CNTN5: variants seen among roughly 807,000 people sequenced by gnomAD.
The protein encoded by CNTN5 is contactin 5, also known as contactin-5.
Under a neutral mutation model 129.1 loss-of-function variants are expected in CNTN5, and 77 were observed. The ratio of observed to expected loss-of-function variants is 0.60; its 90% CI spans 0.50 to 0.72. The LOEUF (loss-of-function observed/expected upper bound fraction) is 0.72. Ranked by LOEUF, CNTN5 falls within the 30% of genes least tolerant of loss-of-function variation. The pLI is 0.00. For missense variants in CNTN5, 1,478 were observed against 1,328.8 expected, an observed-to-expected ratio of 1.11 and a Z score of -1.75; for synonymous variants, 509 against 465.6, an observed-to-expected ratio of 1.09 and a Z score of -1.20.
chr11:99,161,831 T>A (rs1043847522), intron 1 of CNTN5, among the ~76,000 whole-genome samples: 1 of 152,130 alleles, frequency 6.6e-6, no homozygotes, highest in African/African-American at 2.4e-5. Flanking sequence ...CTTGCTAATA[T>A]CATATTGCCA....
intron 1 of CNTN5, among the ~76,000 whole-genome samples, chr11:99,172,495 A>T (rs1349379684): frequency 3.3e-5 from 5 of 152,200 alleles, no homozygotes; most frequent in African/African-American, 1.2e-4. Flanking sequence ...TAATGAAATG[A>T]GCACCAAACT....
At chr11:99,935,427 A>G (rs751244225) in intron 7 of CNTN5, among the ~76,000 whole-genome samples, 18 of 152,038 alleles carry the variant, frequency 1.2e-4, no homozygotes, top group Non-Finnish European at 2.4e-4. Flanking sequence ...AAATTATTTA[A>G]TCCCCAATTT....
At position 99,934,930 on chromosome 11, in the gene CNTN5, A is replaced by G. The variant is rs1439058338; in HGVS notation, c.673+18781A>G. 3.2e-3 allele frequency among the ~76,000 whole-genome samples: 287 copies of G among 91,054 alleles called. 9 individuals are homozygous for G. The highest frequency in any genetic ancestry group is 3.6e-3 in the African/African-American group (64 of 17,658). The allele number at this position is 91,054 out of a possible 152,430, so 59.7% of individuals were successfully genotyped here. A position where few individuals can be genotyped will look rare whatever the true frequency, so the allele number is the denominator to read the frequency against. On this transcript the variant is annotated intron_variant, in intron 7 of 24. Coordinates refer to ENST00000524871, the MANE Select transcript of CNTN5 (RefSeq NM_014361.4). ...TATATATATATATATATATATATATATATATATATATATATATACACACAC... is the reference window on the plus strand; with the variant it reads ...TATATATATATATATATATATATATGTATATATATATATATATACACACAC...
At chr11:100,150,843 C>A (rs1011056518) in intron 13 of CNTN5, among the ~76,000 whole-genome samples, 1 of 152,054 alleles carries the variant, frequency 6.6e-6, no homozygotes, top group Admixed American at 6.6e-5. Context: ...ACACTTACCC[C>A]CTAATGTGAT....
At chr11:99,986,502 C>T (rs546041394) in intron 8 of CNTN5, among the ~76,000 whole-genome samples, 4 of 152,318 alleles carry the variant, frequency 2.6e-5, no homozygotes, top group African/African-American at 9.6e-5. Context: ...GACTCCATCT[C>T]TTCTTACCTA....
At chr11:99,105,055 C>G (rs1300459103) in intron 1 of CNTN5, among the ~76,000 whole-genome samples, 1 of 152,092 alleles carries the variant, frequency 6.6e-6, no homozygotes, top group Non-Finnish European at 1.5e-5. Context: ...TCATTAGTCT[C>G]CTCATCACTA....
At position 99,525,913 on chromosome 11, in the gene CNTN5, C is replaced by T. The variant is rs564207002; in HGVS notation, c.-70-30232C>T. On this transcript the variant is annotated intron_variant, in intron 2 of 24. Coordinates refer to ENST00000524871, the MANE Select transcript of CNTN5 (RefSeq NM_014361.4). ...TGCTTTGAAAGGCACAAAACAAACA[C>T]TGACATGAGATAAATTAAAAAATAA... Among the ~76,000 whole-genome samples, 3 of 152,278 alleles carry T rather than the reference C, an allele frequency of 2.0e-5. No individual in the cohort carries two copies. The South Asian group carries it at 6.2e-4, about 32-fold the overall frequency.
intron 13 of CNTN5, among the ~76,000 whole-genome samples, chr11:100,190,161 A>C (rs1488725025): frequency 6.6e-6 from 1 of 152,146 alleles, no homozygotes; most frequent in Non-Finnish European, 1.5e-5. Flanking sequence ...CCATGGAATA[A>C]ATTGTCCTTA....
chr11:100,034,890 C>A (rs900478694), intron 9 of CNTN5, among the ~76,000 whole-genome samples: 53 of 152,218 alleles, frequency 3.5e-4, no homozygotes, highest in Non-Finnish European at 5.4e-4. Flanking sequence ...TCATACTTAC[C>A]CTTGTCTTCC....
At chr11:99,031,888 G>C (rs182590306) in intron 1 of CNTN5, among the ~76,000 whole-genome samples, 1 of 149,426 alleles carries the variant, frequency 6.7e-6, no homozygotes, top group Non-Finnish European at 1.5e-5. Context: ...CTAGCATTAG[G>C]TATATCTCCC....
chr11:99,372,153 C>CA (rs1939865449), intron 2 of CNTN5, among the ~76,000 whole-genome samples: 1 of 152,210 alleles, frequency 6.6e-6, no homozygotes, highest in African/African-American at 2.4e-5. Flanking sequence ...ATCACTGTTT[C>CA]ACAAACTTAT....
rs201711344 is a variant in CNTN5, at chr11:100,356,301, G to A, written c.*81G>A. The A allele has an allele frequency of 1.9e-5, 18 of 936,396 alleles. No homozygotes were observed. The highest frequency in any genetic ancestry group is 8.2e-5 in the African/African-American group (5 of 60,854). The allele number at this position is 936,396 out of a possible 1,614,324, so 58.0% of individuals were successfully genotyped here. ...GAGTGTAGTGTAAGTGGAGAACCAG[G>A]ATCCTGAGATGAGCTTGAGCTTTAA... On this transcript the variant is annotated 3_prime_UTR_variant, in exon 25 of 25. Coordinates refer to ENST00000524871, the MANE Select transcript of CNTN5 (RefSeq NM_014361.4).
chr11:99,683,604 C>T (rs1953655949), intron 3 of CNTN5, among the ~76,000 whole-genome samples: 1 of 151,768 alleles, frequency 6.6e-6, no homozygotes, highest in African/African-American at 2.4e-5. Flanking sequence ...AATCATTTTG[C>T]CTGATCTGGG....
At chr11:99,663,980 G>A (rs914029554) in intron 3 of CNTN5, among the ~76,000 whole-genome samples, 2 of 152,112 alleles carry the variant, frequency 1.3e-5, no homozygotes, top group African/African-American at 4.8e-5. Flanking sequence ...TTCAAACTCT[G>A]TTGTGTATAT....
rs538619297 is a variant in CNTN5 at position 99,795,605 on chromosome 11, T to G, written c.56-23939T>G. Among the ~76,000 whole-genome samples the G allele has an allele frequency of 8.6e-5, 13 of 150,808 alleles. No individual in the cohort carries two copies. The South Asian group carries it at 2.8e-3, about 32-fold the overall frequency. On this transcript the variant is annotated intron_variant, in intron 3 of 24. Coordinates refer to ENST00000524871, the MANE Select transcript of CNTN5 (RefSeq NM_014361.4). ...CTTTAGATCTTTTTTTTTTTTTGTA[T>G]TTATCTTCCTTGTGTTCTTTAAATC...
chr11:99,174,119 C>G (rs773093187), intron 1 of CNTN5, among the ~76,000 whole-genome samples: 15 of 152,122 alleles, frequency 9.9e-5, no homozygotes, highest in Non-Finnish European at 4.4e-5. Context: ...CTGCCTCAGC[C>G]TCCCGAGTAG....
chr11:100,055,512 T>A (rs1207982689), intron 9 of CNTN5, among the ~76,000 whole-genome samples: 2 of 151,618 alleles, frequency 1.3e-5, no homozygotes. Flanking sequence ...ATTTGATATC[T>A]TTATCTCCTT....
At chr11:99,678,970 T>C (rs1173989203) in intron 3 of CNTN5, among the ~76,000 whole-genome samples, 1 of 142,094 alleles carries the variant, frequency 7.0e-6, no homozygotes, top group Non-Finnish European at 1.5e-5. Flanking sequence ...TCTCTCTCTA[T>C]ATATATATAT....
At chr11:99,965,461 T>C (rs1238588304) in intron 8 of CNTN5, among the ~76,000 whole-genome samples, 2 of 152,118 alleles carry the variant, frequency 1.3e-5, no homozygotes, top group African/African-American at 4.8e-5. Context: ...TCCATGTAGT[T>C]GAGCGGTTTT....
Sources: allele counts gnomAD v4.1 joint callset (sites outside exome capture counted in the v4.1 genomes callset), GRCh38; gene constraint gnomAD v4.1.1; transcripts MANE v1.5; gene names NCBI Gene and HGNC (gene_info 2026-07-23, HGNC 2026-07-21).